The following TENM4 variants were observed in gnomAD, a reference collection of about 807,000 sequenced individuals.
The protein encoded by TENM4 is teneurin-4.
TENM4 carries 82 observed loss-of-function variants against 243.3 expected under a neutral mutation model. The ratio of observed to expected loss-of-function variants is 0.34; its 90% CI spans 0.28 to 0.40. TENM4 has a LOEUF of 0.40. Among genes scored for constraint, TENM4 ranks in the 10% least tolerant of loss-of-function variants. The probability of loss-of-function intolerance (pLI) is 1.00; values close to 1 mark genes in which losing one functional copy is unlikely to be tolerated. For synonymous variants in TENM4, 1,412 were observed against 1,456.3 expected, an observed-to-expected ratio of 0.97 and a Z score of 0.69; for missense variants, 3,138 against 3,673.3, an observed-to-expected ratio of 0.85 and a Z score of 3.77.
intron 3 of TENM4, among the ~76,000 whole-genome samples, chr11:79,155,648 T>TC (rs1862596817): frequency 1.1e-5 from 1 of 89,600 alleles, no homozygotes; most frequent in Admixed American, 1.7e-4. Flanking sequence ...CTTCCTTCCC[T>TC]CCCTCCCTTC....
At chr11:79,035,603 C>A (rs1283376895) in intron 6 of TENM4, among the ~76,000 whole-genome samples, 1 of 151,684 alleles carries the variant, frequency 6.6e-6, no homozygotes, top group African/African-American at 2.4e-5. Context: ...CCACTTGGAG[C>A]TATCTTGTTA....
chr11:79,157,925 C>T (rs1031028802), intron 3 of TENM4, among the ~76,000 whole-genome samples: 7 of 152,224 alleles, frequency 4.6e-5, no homozygotes, highest in South Asian at 2.1e-4. Context: ...TCCTGACCAG[C>T]ATGTTCTAAC....
chr11:78,657,827 T>G lies in TENM4; in HGVS notation c.*231A>C. On this transcript the variant is annotated 3_prime_UTR_variant, in exon 34 of 34. Coordinates refer to ENST00000278550, the MANE Select transcript of TENM4 (RefSeq NM_001098816.3). The stretch of plus-strand genomic sequence containing the variant: ...GGAACAAAAGACAATAAAGTTTTCA[T>G]TGTGATCACACTACAGAAAAAAATA... 1 of 625,430 alleles carries G rather than the reference T, an allele frequency of 1.6e-6. No homozygotes were observed. Among genetic ancestry groups the G allele is most frequent in the Non-Finnish European group, 2.8e-6 (1 of 361,160 alleles). The allele number at this position is 625,430 out of a possible 1,614,324, so 38.7% of individuals were successfully genotyped here. A position where few individuals can be genotyped will look rare whatever the true frequency, so the allele number is the denominator to read the frequency against.
chr11:79,114,601 G>A (rs1004197188), intron 4 of TENM4, among the ~76,000 whole-genome samples: 1 of 152,248 alleles, frequency 6.6e-6, no homozygotes, highest in African/African-American at 2.4e-5. Context: ...TGCAGTCACA[G>A]AGGGCCAACA....
intron 3 of TENM4, among the ~76,000 whole-genome samples, chr11:79,157,958 T>C (rs926219718): frequency 9.2e-5 from 14 of 152,184 alleles, no homozygotes; most frequent in African/African-American, 3.1e-4. Context: ...TTCTAACCTC[T>C]GGTGAGAGGG....
rs1857515088 is a variant in TENM4 at position 78,812,190 on chromosome 11, T to C, written c.1910A>G (p.Asn637Ser). 1 of 1,551,872 alleles carries C rather than the reference T, an allele frequency of 6.4e-7. No homozygotes were observed. Among genetic ancestry groups the C allele is most frequent in the Non-Finnish European group, 8.7e-7 (1 of 1,147,056 alleles). ...GGTGCCCGTGATGCAGGTGCCATGG[T>C]TGCTGCAGGCCACATCGATACACTG... ...TNQCIDVACS[N>S]HGTCITGTCI... The change falls in exon 14 of 34, where the codon AAC becomes AGC. Residue 637 changes from asparagine (N) to serine (S), a missense_variant. Around this residue, in one of 2 missense-constraint regions of TENM4, gnomAD observed 2,467 missense variants for 3,059.1 expected, o/e 0.81. Transcript: ENST00000278550.
intron 6 of TENM4, among the ~76,000 whole-genome samples, chr11:78,951,021 G>A (rs1035687073): frequency 1.3e-5 from 2 of 152,234 alleles, no homozygotes; most frequent in Non-Finnish European, 2.9e-5. Context: ...CCTGCCTGCA[G>A]GTTATGTTGC....
chr11:79,088,285 C>T (rs1307436398), intron 4 of TENM4, among the ~76,000 whole-genome samples: 5 of 152,126 alleles, frequency 3.3e-5, no homozygotes, highest in Non-Finnish European at 1.5e-5. Context: ...TCCAGATTGT[C>T]TAGTATGGTG....
intron 2 of TENM4, among the ~76,000 whole-genome samples, chr11:79,245,737 C>T (rs770630862): frequency 3.9e-5 from 6 of 151,920 alleles, no homozygotes; most frequent in Admixed American, 1.3e-4. Flanking sequence ...GTCAGGAGTT[C>T]GAGACCAGCC....
intron 1 of TENM4, among the ~76,000 whole-genome samples, chr11:79,434,696 C>T (rs1859234725): frequency 6.6e-6 from 1 of 152,094 alleles, no homozygotes; most frequent in East Asian, 1.9e-4. Context: ...ACCTGGGCTT[C>T]CAAGCCTGTA....
chr11:78,858,892 G>A (rs1483854757), intron 10 of TENM4, among the ~76,000 whole-genome samples: 2 of 152,194 alleles, frequency 1.3e-5, no homozygotes, highest in African/African-American at 4.8e-5. Context: ...TCCACTTGAT[G>A]AGCTCCAAGC....
chr11:78,987,223 T>C (rs978865515), intron 6 of TENM4, among the ~76,000 whole-genome samples: 6 of 152,186 alleles, frequency 3.9e-5, no homozygotes, highest in Admixed American at 3.9e-4. Context: ...TTCATAATAG[T>C]CTGGAAACTT....
intron 3 of TENM4, among the ~76,000 whole-genome samples, chr11:79,164,309 A>ATAGAT (rs1417966733): frequency 7.9e-6 from 1 of 126,894 alleles, no homozygotes; most frequent in Non-Finnish European, 1.5e-5. Flanking sequence ...TATATAGTAT[A>ATAGAT]TAGATATACT....
At chr11:78,968,411 AGTAGCTGGGAG>A (rs1178213143) in intron 6 of TENM4, among the ~76,000 whole-genome samples, 1 of 152,154 alleles carries the variant, frequency 6.6e-6, no homozygotes, top group Non-Finnish European at 1.5e-5. Context: ...TGGCCACCTG[AGTAGCTGGGAG>A]CACAGGTGTG....
At chr11:79,116,690 C>T (rs1861629526) in intron 4 of TENM4, among the ~76,000 whole-genome samples, 1 of 152,178 alleles carries the variant, frequency 6.6e-6, no homozygotes, top group Non-Finnish European at 1.5e-5. Context: ...GAATCATCAA[C>T]CCTGATTTAC....
At chr11:79,309,621 G>A (rs546377421) in intron 1 of TENM4, among the ~76,000 whole-genome samples, 3 of 152,294 alleles carry the variant, frequency 2.0e-5, no homozygotes, top group African/African-American at 7.2e-5. Context: ...TAAATACGAA[G>A]ATAAGATAAG....
At chr11:79,378,867 A>G (rs554134706) in intron 1 of TENM4, among the ~76,000 whole-genome samples, 1 of 150,178 alleles carries the variant, frequency 6.7e-6, no homozygotes, top group African/African-American at 2.5e-5. Flanking sequence ...TGGGTGACAG[A>G]ATGAGGCCCT....
intron 5 of TENM4, among the ~76,000 whole-genome samples, chr11:79,065,522 C>G (rs1591255134): frequency 1.3e-5 from 2 of 152,322 alleles, no homozygotes; most frequent in Non-Finnish European, 1.5e-5. Context: ...CCAGGGAGGA[C>G]TTTTCAGCAA....
At chr11:79,395,980 G>A (rs1477915361) in intron 1 of TENM4, among the ~76,000 whole-genome samples, 1 of 152,218 alleles carries the variant, frequency 6.6e-6, no homozygotes, top group Non-Finnish European at 1.5e-5. Flanking sequence ...TTAGTTTATA[G>A]TTGGTAGGCA....
Sources: gnomAD v4.1 joint callset for allele counts (sites outside exome capture counted in the v4.1 genomes callset) on GRCh38, gnomAD v4.1.1 for gene constraint, gnomAD v4.1.1 regional missense constraint, MANE v1.5 for transcripts, NCBI Gene and HGNC (gene_info 2026-07-23, HGNC 2026-07-21) for gene names.